Variants in MKNK1 observed in about 807,000 individuals in gnomAD.
MKNK1 encodes MAP kinase-interacting serine/threonine-protein kinase 1.
A neutral mutation model predicts 49.3 loss-of-function variants in MKNK1; 30 were observed. That is an observed-to-expected ratio of 0.61 (90% confidence interval 0.46 to 0.83). The LOEUF (loss-of-function observed/expected upper bound fraction) is 0.83. MKNK1 is among the 40% of genes least tolerant of loss of function. The probability of loss-of-function intolerance (pLI) is 0.00; values close to 1 mark genes in which losing one functional copy is unlikely to be tolerated. For synonymous variants in MKNK1, 176 were observed against 201.7 expected (o/e 0.87, Z 1.08); for missense variants, 423 against 524.7 (o/e 0.81, Z 1.89).
chr1:46,596,079 T>C (rs556380839), intron 1 of MKNK1, among the ~76,000 whole-genome samples: 5 of 152,336 alleles, frequency 3.3e-5, no homozygotes, highest in African/African-American at 1.2e-4. Context: ...AGTCTTGTCA[T>C]AGGTTTAGAC....
At position 46,594,385 on chromosome 1, in the gene MKNK1, C is replaced by G. The variant is rs553095680; in HGVS notation, c.-170-105G>C. The G allele has an allele frequency of 1.2e-3, 690 of 561,656 alleles. 1 individual carries two copies. Among genetic ancestry groups the G allele is most frequent in the Middle Eastern group, 2.2e-3 (8 of 3,702 alleles). The allele number at this position is 561,656 out of a possible 1,614,324, so 34.8% of individuals were successfully genotyped here. A position where few individuals can be genotyped will look rare whatever the true frequency, so the allele number is the denominator to read the frequency against. The stretch of plus-strand genomic sequence containing the variant: ...CGTGCCCCAAACCTATGAGTTACCC[C>G]ACTAAGTAGATATACACGCAGCAAT... On this transcript the variant is annotated intron_variant, in intron 1 of 12. Transcript: ENST00000371945.
intron 2 of MKNK1, among the ~76,000 whole-genome samples, chr1:46,591,068 C>T (rs959453599): frequency 6.6e-5 from 10 of 152,086 alleles, no homozygotes; most frequent in African/African-American, 9.7e-5. Flanking sequence ...TCTGTCTGAC[C>T]CATTAGTGGG....
intron 10 of MKNK1, among the ~76,000 whole-genome samples, chr1:46,562,395 C>CAAAAAAA (rs66491559): frequency 2.9e-5 from 1 of 34,352 alleles, no homozygotes. Flanking sequence ...GACTCCATCT[C>CAAAAAAA]AAAAAAAAAA....
chr1:46,560,357 T>C, intron 11 of MKNK1, 80 bp from the exon 12 acceptor site: 1 of 1,436,974 alleles, frequency 7.0e-7, no homozygotes, highest in Non-Finnish European at 9.8e-7. Context: ...CAGCAGTGGG[T>C]AGGTTACTAT....
chr1:46,597,077 T>C (rs1338591466), intron 1 of MKNK1, among the ~76,000 whole-genome samples: 3 of 152,050 alleles, frequency 2.0e-5, no homozygotes, highest in South Asian at 2.1e-4. Flanking sequence ...CCTGGAGCCC[T>C]CTCCTCATTC....
At chr1:46,583,374 C>A in intron 2 of MKNK1, 45 bp from the exon 3 acceptor site, 2 of 1,437,192 alleles carry the variant, frequency 1.4e-6, no homozygotes, top group Admixed American at 1.9e-5. Context: ...CTGTACTGAT[C>A]AAGCTGTAAA....
rs143202565 is a variant in MKNK1, at chr1:46,592,791, T to C, written c.-3+1322A>G. ...GAAGGGACAGTGTTTAATTCCTCTG[T>C]ATCCCCACTGCCTAGCATGCAGCCA... is the stretch of plus-strand genomic sequence containing the variant. On this transcript the variant is annotated intron_variant, in intron 2 of 12. Transcript: ENST00000371945. Among the ~76,000 whole-genome samples, 554 of 152,314 alleles carry C rather than the reference T, an allele frequency of 3.6e-3. 7 individuals carry two copies. The highest frequency in any genetic ancestry group is 0.012 in the African/African-American group (505 of 41,552).
chr1:46,570,788 T>C (rs1436693606), intron 7 of MKNK1, among the ~76,000 whole-genome samples: 1 of 152,224 alleles, frequency 6.6e-6, no homozygotes, highest in Non-Finnish European at 1.5e-5. Flanking sequence ...GAAATCGTTA[T>C]TTATTGAAGA....
chr1:46,583,083 A>G (rs1007897003), intron 3 of MKNK1, 145 bp downstream of exon 3: 10 of 730,342 alleles, frequency 1.4e-5, no homozygotes, highest in Non-Finnish European at 2.2e-5. Flanking sequence ...AAACTCCCTC[A>G]TCCCCATCTT....
At chr1:46,579,275 G>A (rs1409945093) in intron 4 of MKNK1, among the ~76,000 whole-genome samples, 1 of 152,234 alleles carries the variant, frequency 6.6e-6, no homozygotes, top group African/African-American at 2.4e-5. Context: ...GGAGCCCACT[G>A]GGCTGGGATT....
chr1:46,558,531 A>G lies in MKNK1; in HGVS notation c.*44T>C. ...TAGCCACACAGGTTTCCAGGGGACA[A>G]TGCCTGGCCAGGCCTAGGGCCTATA... On this transcript the variant is annotated 3_prime_UTR_variant, in exon 13 of 13. Coordinates refer to ENST00000371945, the MANE Select transcript of MKNK1 (RefSeq NM_001135553.4). 1 of 1,524,606 alleles carries G rather than the reference A, an allele frequency of 6.6e-7. No individual in the cohort carries two copies. Among genetic ancestry groups the G allele is most frequent in the Non-Finnish European group, 8.8e-7 (1 of 1,134,190 alleles). 94.4% of individuals were successfully genotyped at this position (1,524,606 alleles called of 1,614,324 possible).
At chr1:46,560,386 A>G in intron 11 of MKNK1, 109 bp from the exon 12 acceptor site, 1 of 1,187,078 alleles carries the variant, frequency 8.4e-7, no homozygotes, top group Non-Finnish European at 1.2e-6. Flanking sequence ...GGCGCAGCAC[A>G]GGGAAATGGC....
intron 1 of MKNK1, among the ~76,000 whole-genome samples, chr1:46,600,245 G>C (rs1005736651): frequency 6.6e-6 from 1 of 152,202 alleles, no homozygotes; most frequent in African/African-American, 2.4e-5. Context: ...AACTACACTG[G>C]AGGGAGAAGG....
chr1:46,583,099 C>T, intron 3 of MKNK1, 129 bp downstream of exon 3: 1 of 758,300 alleles, frequency 1.3e-6, no homozygotes. Context: ...ATCTTATCTC[C>T]CTACCACACA....
chr1:46,597,584 G>A (rs1175622730), intron 1 of MKNK1, among the ~76,000 whole-genome samples: 1 of 152,180 alleles, frequency 6.6e-6, no homozygotes, highest in South Asian at 2.1e-4. Context: ...CGTCAAAAGG[G>A]ACTGTATTTC....
chr1:46,586,556 A>G (rs1303387911), intron 2 of MKNK1, among the ~76,000 whole-genome samples: 5 of 152,200 alleles, frequency 3.3e-5, no homozygotes, highest in African/African-American at 9.7e-5. Context: ...TGTCAGACAC[A>G]TAGCAGCCAT....
chr1:46,563,817 G>A lies in MKNK1; in HGVS notation c.610-974C>T, dbSNP rs191769720. Among the ~76,000 whole-genome samples, 800 of 151,588 alleles carry A rather than the reference G, an allele frequency of 5.3e-3. 9 individuals are homozygous for A. Among genetic ancestry groups the A allele is most frequent in the South Asian group, 0.032 (153 of 4,788 alleles). On this transcript the variant is annotated intron_variant, in intron 9 of 12. Coordinates refer to ENST00000371945, the MANE Select transcript of MKNK1 (RefSeq NM_001135553.4). Reference sequence around the variant, plus strand: ...TCCCAGCACTTTGGGAGGCCGAGGCGGGTGGTTCACAAGGTCAGGAGATCG... The same window carrying A: ...TCCCAGCACTTTGGGAGGCCGAGGCAGGTGGTTCACAAGGTCAGGAGATCG...
At chr1:46,563,969 C>T (rs1047965622) in intron 9 of MKNK1, among the ~76,000 whole-genome samples, 9 of 137,048 alleles carry the variant, frequency 6.6e-5, no homozygotes, top group African/African-American at 2.2e-4. Flanking sequence ...GGCATGAACC[C>T]AGGAGGCAGA....
rs1245492460 is a variant in MKNK1, at chr1:46,589,808, TG to T, written c.-3+4304del. On this transcript the variant is annotated intron_variant, in intron 2 of 12. Coordinates refer to ENST00000371945, the MANE Select transcript of MKNK1 (RefSeq NM_001135553.4). The surrounding 1 kb of genome is among the most constrained non-coding windows in gnomAD (Gnocchi z 4.3). ...CTCGAGGCCCACCCTCTGGAAGAAC[TG>T]TGTTACTTCTCCATAGTCTTATGAG... Among the ~76,000 whole-genome samples the T allele has an allele frequency of 4.6e-5, 7 of 152,258 alleles. No individual in the cohort carries two copies. The South Asian group carries it at 1.4e-3, about 31-fold the overall frequency.
Sources: allele counts gnomAD v4.1 joint callset (sites outside exome capture counted in the v4.1 genomes callset), GRCh38; gene constraint gnomAD v4.1.1; non-coding constraint Gnocchi (gnomAD v3.1); transcripts MANE v1.5; gene names NCBI Gene and HGNC (gene_info 2026-07-23, HGNC 2026-07-21).